The following CAMKMT variants were observed in gnomAD, a reference collection of about 807,000 sequenced individuals.
CAMKMT encodes the protein calmodulin-lysine N-methyltransferase.
A neutral mutation model predicts 48.0 loss-of-function variants in CAMKMT; 53 were observed. The observed-to-expected ratio is 1.10, with a 90% confidence interval of 0.89 to 1.39. The LOEUF (loss-of-function observed/expected upper bound fraction) is 1.39, where lower values mean the gene tolerates loss of function less well. CAMKMT is among the 40% of genes most tolerant of loss of function. The probability of loss-of-function intolerance (pLI) is 0.00; values close to 1 mark genes in which losing one functional copy is unlikely to be tolerated. For missense variants in CAMKMT, 428 were observed against 402.7 expected (o/e 1.06, Z -0.54); for synonymous variants, 165 against 152.3 (o/e 1.08, Z -0.61).
At chr2:44,426,866 C>G (rs1239783888) in intron 3 of CAMKMT, among the ~76,000 whole-genome samples, 2 of 152,132 alleles carry the variant, frequency 1.3e-5, no homozygotes, top group Non-Finnish European at 2.9e-5. Context: ...GTAGCCAAAG[C>G]AAGCCTAAGC....
At chr2:44,696,480 T>A (rs2104240308) in intron 3 of CAMKMT, among the ~76,000 whole-genome samples, 1 of 152,278 alleles carries the variant, frequency 6.6e-6, no homozygotes, top group East Asian at 1.9e-4. Context: ...AGTAGTTATA[T>A]CCCCATTTCA....
chr2:44,611,643 C>T (rs968179271), intron 3 of CAMKMT, among the ~76,000 whole-genome samples: 7 of 151,854 alleles, frequency 4.6e-5, no homozygotes, highest in African/African-American at 1.7e-4. Context: ...GTGTATTAGG[C>T]CATTTTTGCA....
chr2:44,695,284 G>A (rs1366337580), intron 3 of CAMKMT, among the ~76,000 whole-genome samples: 1 of 152,102 alleles, frequency 6.6e-6, no homozygotes, highest in Non-Finnish European at 1.5e-5. Flanking sequence ...AATAACCATA[G>A]TACTATAATA....
In CAMKMT at chr2:44,444,788, C is replaced by G. The variant is rs115409471; in HGVS notation, c.376+54483C>G. ...TAAGAGCATGGGAGCTAACCAACAC[C>G]AAGCACCATGTACCCAAATCTTAGC... On this transcript the variant is annotated intron_variant, in intron 3 of 10. Transcript: ENST00000378494. Among the ~76,000 whole-genome samples the G allele has an allele frequency of 5.9e-3, 897 of 152,250 alleles. 3 individuals are homozygous for G. The highest frequency in any genetic ancestry group is 0.021 in the African/African-American group (853 of 41,546).
intron 3 of CAMKMT, among the ~76,000 whole-genome samples, chr2:44,666,015 G>A (rs914279136): frequency 2.0e-5 from 3 of 152,182 alleles, no homozygotes; most frequent in South Asian, 2.1e-4. Flanking sequence ...GAAAGAAATA[G>A]GCAAGCCATG....
intron 9 of CAMKMT, among the ~76,000 whole-genome samples, chr2:44,755,986 G>C (rs1403762672): frequency 6.6e-6 from 1 of 152,204 alleles, no homozygotes; most frequent in Non-Finnish European, 1.5e-5. Flanking sequence ...GATACTCAAG[G>C]CTGCCAGGTA....
intron 7 of CAMKMT, among the ~76,000 whole-genome samples, chr2:44,735,389 A>C (rs1679302010): frequency 6.6e-6 from 1 of 151,914 alleles, no homozygotes; most frequent in African/African-American, 2.4e-5. Flanking sequence ...TCATTTTACT[A>C]TTTGTTTTGT....
chr2:44,705,578 T>C (rs1228569463), intron 4 of CAMKMT: 1 of 970,588 alleles, frequency 1.0e-6, no homozygotes, highest in Non-Finnish European at 1.2e-6. Context: ...GCTTTAACTC[T>C]GAGCCGCTTT....
At chr2:44,402,740 G>GT in intron 3 of CAMKMT, among the ~76,000 whole-genome samples, 1,979 of 94,128 alleles carry the variant, frequency 0.021, 58 homozygotes, top group African/African-American at 0.059. Flanking sequence ...TTGTTTTGCT[G>GT]TTTTTTTTTT....
intron 3 of CAMKMT, among the ~76,000 whole-genome samples, chr2:44,656,925 A>G (rs530652844): frequency 6.6e-6 from 1 of 152,328 alleles, no homozygotes; most frequent in African/African-American, 2.4e-5. Context: ...CAGGAAGATA[A>G]GCATCTCCTT....
intron 3 of CAMKMT, among the ~76,000 whole-genome samples, chr2:44,535,973 G>C (rs1666750778): frequency 6.6e-6 from 1 of 152,068 alleles, no homozygotes; most frequent in Non-Finnish European, 1.5e-5. Flanking sequence ...AAAACCAAAA[G>C]ACTCCACCAA....
intron 9 of CAMKMT, among the ~76,000 whole-genome samples, chr2:44,757,440 G>A (rs1172958944): frequency 6.6e-6 from 1 of 152,206 alleles, no homozygotes; most frequent in Non-Finnish European, 1.5e-5. Flanking sequence ...TTAATGTCTG[G>A]AAGCCTCAGT....
At chr2:44,503,465 A>G (rs1238425568) in intron 3 of CAMKMT, among the ~76,000 whole-genome samples, 1 of 152,202 alleles carries the variant, frequency 6.6e-6, no homozygotes, top group African/African-American at 2.4e-5. Flanking sequence ...AAAAGTTAAT[A>G]GTATCAGTCT....
chr2:44,547,413 C>T lies in CAMKMT; in HGVS notation c.377-156870C>T, dbSNP rs756999293. On this transcript the variant is annotated intron_variant, in intron 3 of 10. Coordinates refer to ENST00000378494, the MANE Select transcript of CAMKMT (RefSeq NM_024766.5). ...GTGGTGCATGCCTGTGGGGCTACTC[C>T]GAAGGCCGAGGCAGGAGGATCACCT... 9.2e-5 allele frequency among the ~76,000 whole-genome samples: 14 copies of T among 152,064 alleles called. No homozygotes were observed. In the South Asian group the frequency reaches 1.2e-3, roughly 14 times the overall value.
intron 8 of CAMKMT, among the ~76,000 whole-genome samples, chr2:44,744,164 T>A (rs377572177): frequency 6.6e-6 from 1 of 152,224 alleles, no homozygotes; most frequent in African/African-American, 2.4e-5. Context: ...GGAATATCTT[T>A]GGGGAAATAG....
At chr2:44,549,855 T>C (rs1236347054) in intron 3 of CAMKMT, 2 of 380,798 alleles carry the variant, frequency 5.3e-6, no homozygotes, top group East Asian at 7.9e-5. Context: ...CCCAGCTTCA[T>C]TGTGTTAAAA....
At chr2:44,741,650 A>G (rs562054636) in intron 7 of CAMKMT, among the ~76,000 whole-genome samples, 1 of 152,320 alleles carries the variant, frequency 6.6e-6, no homozygotes, top group Admixed American at 6.5e-5. Context: ...CACAGCCATA[A>G]GCCTCATGAG....
At chr2:44,559,550 C>T (rs1668212784) in intron 3 of CAMKMT, among the ~76,000 whole-genome samples, 1 of 150,856 alleles carries the variant, frequency 6.6e-6, no homozygotes, top group South Asian at 2.1e-4. Flanking sequence ...TACATAACCA[C>T]TTTTTTTTTA....
intron 3 of CAMKMT, among the ~76,000 whole-genome samples, chr2:44,486,703 C>T (rs538660976): frequency 2.6e-5 from 4 of 152,252 alleles, no homozygotes; most frequent in East Asian, 1.9e-4. Flanking sequence ...GCACAGATAC[C>T]GCTTCTTCCA....
Sources: allele counts gnomAD v4.1 joint callset (sites outside exome capture counted in the v4.1 genomes callset), GRCh38; gene constraint gnomAD v4.1.1; transcripts MANE v1.5; gene names NCBI Gene and HGNC (gene_info 2026-07-23, HGNC 2026-07-21).